The following SPIDR variants were observed in gnomAD, a reference collection of about 807,000 sequenced individuals.
The protein encoded by SPIDR is DNA repair-scaffolding protein.
In SPIDR, 93 loss-of-function variants were observed where a neutral mutation model predicts 104.6. That is an observed-to-expected ratio of 0.89 (90% CI 0.75 to 1.06). SPIDR has a LOEUF of 1.06. Among genes scored for constraint, SPIDR ranks in the 50% least tolerant of loss-of-function variants. The pLI is 0.00. For synonymous variants in SPIDR, 431 were observed against 416.9 expected, an observed-to-expected ratio of 1.03 and a Z score of -0.41; for missense variants, 1,154 against 1,111.2, an observed-to-expected ratio of 1.04 and a Z score of -0.55.
At chr8:47,313,789 C>G (rs182205236) in intron 5 of SPIDR, among the ~76,000 whole-genome samples, 3 of 152,298 alleles carry the variant, frequency 2.0e-5, no homozygotes, top group Admixed American at 6.5e-5. Flanking sequence ...CTTTGACAGA[C>G]CTGACTTCTT....
intron 10 of SPIDR, chr8:47,654,200 A>G (rs1010539595): frequency 7.8e-7 from 1 of 1,282,674 alleles, no homozygotes; most frequent in African/African-American, 1.5e-5. Flanking sequence ...TGTAGCAGCA[A>G]CCTGCAGGAG....
At chr8:47,291,647 A>G (rs989931042) in intron 4 of SPIDR, among the ~76,000 whole-genome samples, 3 of 152,218 alleles carry the variant, frequency 2.0e-5, no homozygotes, top group African/African-American at 7.2e-5. Context: ...TAGGTATTAC[A>G]GATATTATTT....
intron 10 of SPIDR, among the ~76,000 whole-genome samples, chr8:47,606,017 C>T (rs573298248): frequency 6.6e-6 from 1 of 152,142 alleles, no homozygotes; most frequent in Admixed American, 6.5e-5. Flanking sequence ...CTAGCACTCC[C>T]ATCAACAAGG....
intron 8 of SPIDR, among the ~76,000 whole-genome samples, chr8:47,549,940 GTA>G (rs1409664860): frequency 7.9e-5 from 12 of 152,256 alleles, no homozygotes; most frequent in Non-Finnish European, 1.2e-4. Context: ...ATTAATTTTT[GTA>G]TAAGGTGTAA....
Position 47,615,283 on chromosome 8 carries a change from G to T in SPIDR, c.1544+16087G>T, listed in dbSNP as rs556305536. The stretch of plus-strand genomic sequence containing the variant: ...TTTTCTTTTGTTGCTTGTGCTTTTG[G>T]TATCTTTTCTAAGAACTGTTATCAA... On this transcript the variant is annotated intron_variant, in intron 10 of 19. Transcript: ENST00000297423. Among the ~76,000 whole-genome samples, 7 of 151,930 alleles carry T rather than the reference G, an allele frequency of 4.6e-5. No homozygotes were observed. The South Asian group carries it at 1.5e-3, about 32-fold the overall frequency.
chr8:47,675,159 C>T (rs2076261794), intron 11 of SPIDR, among the ~76,000 whole-genome samples: 1 of 152,186 alleles, frequency 6.6e-6, no homozygotes, highest in African/African-American at 2.4e-5. Context: ...GCCTCAGCCT[C>T]CCAAGTAGCT....
At chr8:47,400,534 A>G (rs1354132111) in intron 6 of SPIDR, among the ~76,000 whole-genome samples, 1 of 152,154 alleles carries the variant, frequency 6.6e-6, no homozygotes, top group Non-Finnish European at 1.5e-5. Flanking sequence ...ATTAAAAAGA[A>G]CTTTTTTACC....
At chr8:47,659,879 TGACTC>T (rs2073791828) in intron 10 of SPIDR, among the ~76,000 whole-genome samples, 1 of 152,176 alleles carries the variant, frequency 6.6e-6, no homozygotes, top group Non-Finnish European at 1.5e-5. Context: ...CAGCCGGGCC[TGACTC>T]CGATTCCGGG....
At chr8:47,634,929 T>G (rs1456673229) in intron 10 of SPIDR, among the ~76,000 whole-genome samples, 1 of 152,246 alleles carries the variant, frequency 6.6e-6, no homozygotes, top group African/African-American at 2.4e-5. Flanking sequence ...ATCTCATTTA[T>G]CTGGCTGTAA....
intron 5 of SPIDR, among the ~76,000 whole-genome samples, chr8:47,316,348 C>T (rs1400943468): frequency 6.6e-6 from 1 of 152,134 alleles, no homozygotes; most frequent in African/African-American, 2.4e-5. Flanking sequence ...TCTACCCTAA[C>T]CCATGACTTA....
chr8:47,558,729 TC>T (rs2056680026), intron 8 of SPIDR, among the ~76,000 whole-genome samples: 2 of 152,076 alleles, frequency 1.3e-5, no homozygotes, highest in Non-Finnish European at 2.9e-5. Context: ...AAGCTCCGCC[TC>T]CTGGGTTCAC....
At position 47,260,985 on chromosome 8, in the gene SPIDR, C is replaced by A; in HGVS notation, c.27C>A (p.Gly9=). 1.6e-6 allele frequency: 2 copies of A among 1,230,202 alleles called. No individual in the cohort carries two copies. Among genetic ancestry groups the A allele is most frequent in the Non-Finnish European group, 2.0e-6 (2 of 986,714 alleles). The allele number at this position is 1,230,202 out of a possible 1,614,324, so 76.2% of individuals were successfully genotyped here. MPRGSRAR[G]SKRKRSWNTE... ...TGCCCCGCGGCAGCCGCGCTCGGGG[C>A]TCTAAGGTAGGCTCTGGGGCGGGAG... Residue 9 remains glycine (G), a synonymous_variant, in exon 1 of 20, where the codon GGC becomes GGA. Coordinates refer to ENST00000297423, the MANE Select transcript of SPIDR (RefSeq NM_001080394.4).
chr8:47,288,472 G>T (rs1446206992), intron 3 of SPIDR, among the ~76,000 whole-genome samples: 1 of 152,048 alleles, frequency 6.6e-6, no homozygotes, highest in African/African-American at 2.4e-5. Context: ...TTTTAGTAGA[G>T]ATGGGGTTTC....
chr8:47,309,394 G>A (rs1382206788), intron 5 of SPIDR, among the ~76,000 whole-genome samples: 1 of 152,062 alleles, frequency 6.6e-6, no homozygotes, highest in Non-Finnish European at 1.5e-5. Flanking sequence ...CATTATCTTA[G>A]TATAGCATTT....
At chr8:47,608,950 A>G (rs2063305015) in intron 10 of SPIDR, among the ~76,000 whole-genome samples, 1 of 152,190 alleles carries the variant, frequency 6.6e-6, no homozygotes. Flanking sequence ...GATGGTCTCT[A>G]TCTCTCGACC....
At chr8:47,397,416 A>C (rs2061362477) in intron 6 of SPIDR, among the ~76,000 whole-genome samples, 1 of 152,082 alleles carries the variant, frequency 6.6e-6, no homozygotes, top group South Asian at 2.1e-4. Context: ...GAATTGCTTG[A>C]ATCTGGGAGG....
rs573614338 is a variant in SPIDR, at chr8:47,686,797, A to T, written c.1685+12856A>T. ...TGATTATTTCTTGTCAGTGATGTTGATATTAATTTAGATTCTTGGTATTTT... is the reference window on the plus strand; with the variant it reads ...TGATTATTTCTTGTCAGTGATGTTGTTATTAATTTAGATTCTTGGTATTTT... On this transcript the variant is annotated intron_variant, in intron 11 of 19. Transcript: ENST00000297423. 2.6e-5 allele frequency among the ~76,000 whole-genome samples: 4 copies of T among 152,292 alleles called. No individual in the cohort carries two copies. The East Asian group carries it at 7.7e-4, about 29-fold the overall frequency.
chr8:47,434,318 A>G (rs561539122), intron 7 of SPIDR, among the ~76,000 whole-genome samples: 1 of 152,210 alleles, frequency 6.6e-6, no homozygotes, highest in South Asian at 2.1e-4. Flanking sequence ...GTGTGTCTGC[A>G]CACTCACATG....
Position 47,689,224 on chromosome 8 carries a change from C to T in SPIDR, c.1686-11179C>T, listed in dbSNP as rs184437962. Among the ~76,000 whole-genome samples, 41 of 152,266 alleles carry T rather than the reference C, an allele frequency of 2.7e-4. 1 individual carries two copies. Among genetic ancestry groups the T allele is most frequent in the East Asian group, 1.9e-3 (10 of 5,180 alleles). ...TGTTTTCATGACCCCCAGGCAGGGC[C>T]GCAGGAAGCATCAAGTGTTTTTGAA... On this transcript the variant is annotated intron_variant, in intron 11 of 19. Coordinates refer to ENST00000297423, the MANE Select transcript of SPIDR (RefSeq NM_001080394.4).
Sources: gnomAD v4.1 joint callset for allele counts (sites outside exome capture counted in the v4.1 genomes callset) on GRCh38, gnomAD v4.1.1 for gene constraint, MANE v1.5 for transcripts, NCBI Gene and HGNC (gene_info 2026-07-23, HGNC 2026-07-21) for gene names.